Variants in CNTNAP2 observed in about 807,000 individuals in gnomAD.
The protein encoded by CNTNAP2 is contactin associated protein 2, also known as contactin-associated protein-like 2.
In CNTNAP2, 98 loss-of-function variants were observed where a neutral mutation model predicts 155.2. That is an observed-to-expected ratio of 0.63 (90% CI 0.54 to 0.75). CNTNAP2 has a LOEUF of 0.75. Among genes scored for constraint, CNTNAP2 ranks in the 30% least tolerant of loss-of-function variants. CNTNAP2 has a pLI of 0.00. For synonymous variants in CNTNAP2, 651 were observed against 631.2 expected, an observed-to-expected ratio of 1.03 and a Z score of -0.47; for missense variants, 1,727 against 1,688.1, an observed-to-expected ratio of 1.02 and a Z score of -0.40.
intron 13 of CNTNAP2, among the ~76,000 whole-genome samples, chr7:147,826,245 C>T (rs1168487055): frequency 6.6e-6 from 1 of 152,124 alleles, no homozygotes; most frequent in Non-Finnish European, 1.5e-5. Context: ...TTTGGCTGAA[C>T]TCCTTAATAG....
chr7:147,391,519 G>A lies in CNTNAP2; in HGVS notation c.1499-4090G>A, dbSNP rs540737448. Reference sequence around the variant, plus strand: ...CAATATAGTTATCTTAAAAATGAATGGGTTTTCTATGAATTTTATTCAGGT... The same window carrying A: ...CAATATAGTTATCTTAAAAATGAATAGGTTTTCTATGAATTTTATTCAGGT... On this transcript the variant is annotated intron_variant, in intron 9 of 23. Coordinates refer to ENST00000361727, the MANE Select transcript of CNTNAP2 (RefSeq NM_014141.6). Among the ~76,000 whole-genome samples, 60 of 152,106 alleles carry A rather than the reference G, an allele frequency of 3.9e-4. 1 individual carries two copies. The highest frequency in any genetic ancestry group is 1.4e-3 in the African/African-American group (57 of 41,482).
At chr7:146,485,822 C>T (rs1168825518) in intron 1 of CNTNAP2, among the ~76,000 whole-genome samples, 1 of 151,920 alleles carries the variant, frequency 6.6e-6, no homozygotes, top group Non-Finnish European at 1.5e-5. Flanking sequence ...CACAAATTAC[C>T]TATTAACAAA....
At chr7:147,412,735 A>T (rs1428014869) in intron 10 of CNTNAP2, among the ~76,000 whole-genome samples, 1 of 152,226 alleles carries the variant, frequency 6.6e-6, no homozygotes. Flanking sequence ...ATGCTTTATG[A>T]GTGAAATAGA....
intron 5 of CNTNAP2, among the ~76,000 whole-genome samples, chr7:147,116,354 G>A (rs1800989010): frequency 6.6e-6 from 1 of 152,218 alleles, no homozygotes; most frequent in Non-Finnish European, 1.5e-5. Flanking sequence ...TAGAGCCACT[G>A]TGCTGTGTTG....
intron 1 of CNTNAP2, among the ~76,000 whole-genome samples, chr7:146,517,312 A>C (rs796309262): frequency 1.9e-4 from 29 of 152,142 alleles, no homozygotes; most frequent in African/African-American, 6.7e-4. Flanking sequence ...CATTAAAATT[A>C]ATCCACTATT....
intron 9 of CNTNAP2, among the ~76,000 whole-genome samples, chr7:147,379,383 A>G (rs1362855104): frequency 6.6e-6 from 1 of 152,166 alleles, no homozygotes; most frequent in Non-Finnish European, 1.5e-5. Flanking sequence ...TCTGTTCATT[A>G]TACTTGTTTT....
chr7:146,929,456 G>T (rs995022084), intron 3 of CNTNAP2, among the ~76,000 whole-genome samples: 1 of 152,220 alleles, frequency 6.6e-6, no homozygotes, highest in South Asian at 2.1e-4. Context: ...CATCATCAAA[G>T]ACCAAAAGTA....
At chr7:146,197,063 C>G (rs1798787358) in intron 1 of CNTNAP2, among the ~76,000 whole-genome samples, 1 of 151,928 alleles carries the variant, frequency 6.6e-6, no homozygotes, top group Non-Finnish European at 1.5e-5. Flanking sequence ...AGGAAAATTT[C>G]TCTACTGGAA....
intron 8 of CNTNAP2, among the ~76,000 whole-genome samples, chr7:147,263,552 A>G (rs1293027528): frequency 6.6e-6 from 1 of 152,198 alleles, no homozygotes; most frequent in African/African-American, 2.4e-5. Context: ...TTGATTTGTC[A>G]TCTCCTTTTG....
intron 12 of CNTNAP2, among the ~76,000 whole-genome samples, chr7:147,583,882 A>C (rs1296107750): frequency 6.6e-6 from 1 of 152,032 alleles, no homozygotes; most frequent in African/African-American, 2.4e-5. Context: ...CACAATCTCT[A>C]TTGGCCAAGC....
intron 13 of CNTNAP2, among the ~76,000 whole-genome samples, chr7:147,876,570 A>G (rs922416180): frequency 1.3e-5 from 2 of 152,138 alleles, no homozygotes; most frequent in Non-Finnish European, 2.9e-5. Context: ...TATGTGCTTT[A>G]CCAAACCTTG....
intron 3 of CNTNAP2, among the ~76,000 whole-genome samples, chr7:146,848,988 C>A (rs1003656322): frequency 3.9e-5 from 6 of 152,080 alleles, no homozygotes; most frequent in African/African-American, 1.4e-4. Flanking sequence ...GCCATGTTGG[C>A]CAGGCTGGCC....
intron 13 of CNTNAP2, among the ~76,000 whole-genome samples, chr7:147,790,173 CCTA>C (rs1240298422): frequency 6.6e-6 from 1 of 152,170 alleles, no homozygotes; most frequent in East Asian, 1.9e-4. Flanking sequence ...TTAAATGTCA[CCTA>C]CTAGGAAGAG....
chr7:148,022,623 T>C (rs1802303866), intron 15 of CNTNAP2, among the ~76,000 whole-genome samples: 1 of 152,206 alleles, frequency 6.6e-6, no homozygotes, highest in African/African-American at 2.4e-5. Context: ...CTGGGCTGCA[T>C]TGGCGTGGCC....
At chr7:146,635,076 C>T (rs942628144) in intron 1 of CNTNAP2, among the ~76,000 whole-genome samples, 1 of 152,000 alleles carries the variant, frequency 6.6e-6, no homozygotes. Flanking sequence ...AATCTCACTC[C>T]ACCAAGACCC....
At chr7:146,336,238 C>A (rs1248086288) in intron 1 of CNTNAP2, among the ~76,000 whole-genome samples, 3 of 150,788 alleles carry the variant, frequency 2.0e-5, no homozygotes, top group Non-Finnish European at 1.5e-5. Flanking sequence ...AAATATTTAT[C>A]TATAGTGAGA....
chr7:146,625,713 A>G (rs1299935579), intron 1 of CNTNAP2, among the ~76,000 whole-genome samples: 2 of 152,088 alleles, frequency 1.3e-5, no homozygotes, highest in Admixed American at 6.6e-5. Context: ...ACATGCCAAC[A>G]AAAGGTTGGT....
At chr7:146,417,472 G>A (rs1795953785) in intron 1 of CNTNAP2, among the ~76,000 whole-genome samples, 1 of 152,048 alleles carries the variant, frequency 6.6e-6, no homozygotes, top group Non-Finnish European at 1.5e-5. Context: ...TGATTAAATT[G>A]GAATTCTAAA....
intron 13 of CNTNAP2, among the ~76,000 whole-genome samples, chr7:147,720,518 G>A (rs940829829): frequency 2.0e-5 from 3 of 152,084 alleles, no homozygotes; most frequent in African/African-American, 7.2e-5. Context: ...GATATGGTTA[G>A]GCTTTGTGTC....
Sources: gnomAD v4.1 joint callset for allele counts (sites outside exome capture counted in the v4.1 genomes callset) on GRCh38, gnomAD v4.1.1 for gene constraint, MANE v1.5 for transcripts, NCBI Gene and HGNC (gene_info 2026-07-23, HGNC 2026-07-21) for gene names.